Variants in CDYL2 observed in about 807,000 individuals in gnomAD.
CDYL2 encodes the protein chromodomain Y-like protein 2.
In CDYL2, 23 loss-of-function variants were observed where a neutral mutation model predicts 49.4. The observed-to-expected ratio is 0.47, with a 90% CI of 0.34 to 0.66. The LOEUF (loss-of-function observed/expected upper bound fraction) is 0.66, where lower values mean the gene tolerates loss of function less well. CDYL2 is among the 30% of genes least tolerant of loss of function. The pLI is 0.01. For synonymous variants in CDYL2, 360 were observed against 268.8 expected (o/e 1.34, Z -3.32); for missense variants, 678 against 656.4 (o/e 1.03, Z -0.36).
At chr16:80,712,703 C>A (rs1904661894) in intron 1 of CDYL2, among the ~76,000 whole-genome samples, 1 of 152,134 alleles carries the variant, frequency 6.6e-6, no homozygotes, top group South Asian at 2.1e-4. Flanking sequence ...CCCTAAGCTA[C>A]AGTGTACAGC....
At chr16:80,704,851 G>C (rs145781735) in intron 1 of CDYL2, among the ~76,000 whole-genome samples, 144 of 152,350 alleles carry the variant, frequency 9.5e-4, no homozygotes, top group African/African-American at 3.3e-3. Context: ...AACAGACTCT[G>C]CTGGGTCTCT....
At chr16:80,754,935 G>A (rs1010420627) in intron 1 of CDYL2, among the ~76,000 whole-genome samples, 4 of 152,114 alleles carry the variant, frequency 2.6e-5, no homozygotes, top group South Asian at 2.1e-4. Flanking sequence ...CATGATTTAC[G>A]AGGGGAAATA....
At chr16:80,719,743 C>T (rs1030181426) in intron 1 of CDYL2, among the ~76,000 whole-genome samples, 1 of 152,192 alleles carries the variant, frequency 6.6e-6, no homozygotes, top group Non-Finnish European at 1.5e-5. Flanking sequence ...AGGAGGCTGT[C>T]GCCACCAAGC....
intron 2 of CDYL2, among the ~76,000 whole-genome samples, chr16:80,635,022 G>A (rs1490369254): frequency 6.6e-6 from 1 of 152,114 alleles, no homozygotes; most frequent in Non-Finnish European, 1.5e-5. Flanking sequence ...GACATTACAA[G>A]AACACAGAAT....
Position 80,804,491 on chromosome 16 carries a change from G to A in CDYL2, c.-318C>T, listed in dbSNP as rs1180422743. 6.9e-6 allele frequency among the ~76,000 whole-genome samples: 1 copy of A among 144,304 alleles called. No individual in the cohort carries two copies. Among genetic ancestry groups the A allele is most frequent in the African/African-American group, 2.5e-5 (1 of 40,362 alleles). 94.7% of individuals were successfully genotyped at this position (144,304 alleles called of 152,430 possible). On this transcript the variant is annotated 5_prime_UTR_variant, in exon 1 of 7. Coordinates refer to ENST00000570137, the MANE Select transcript of CDYL2 (RefSeq NM_152342.4). Reference sequence around the variant, plus strand: ...ACGCGGCCCGAGCGCCGCGGCCCCCGCGACCCGGCGACCCGGCGGCGGTGG... The same window carrying A: ...ACGCGGCCCGAGCGCCGCGGCCCCCACGACCCGGCGACCCGGCGGCGGTGG...
intron 1 of CDYL2, among the ~76,000 whole-genome samples, chr16:80,778,451 T>C (rs890090619): frequency 1.1e-4 from 16 of 151,964 alleles, no homozygotes; most frequent in African/African-American, 3.6e-4. Flanking sequence ...ATGATGTGAC[T>C]ATCTTAAATT....
chr16:80,615,841 G>T (rs1906803649), intron 4 of CDYL2, among the ~76,000 whole-genome samples: 1 of 152,158 alleles, frequency 6.6e-6, no homozygotes, highest in African/African-American at 2.4e-5. Context: ...GTCACCCGAT[G>T]TTTAATGAAG....
intron 1 of CDYL2, among the ~76,000 whole-genome samples, chr16:80,771,863 G>A (rs139185556): frequency 6.6e-6 from 1 of 152,126 alleles, no homozygotes; most frequent in Non-Finnish European, 1.5e-5. Context: ...AAAATTAGTG[G>A]ATTATGTAAA....
intron 1 of CDYL2, among the ~76,000 whole-genome samples, chr16:80,793,658 G>T (rs1418537312): frequency 1.3e-5 from 2 of 152,202 alleles, no homozygotes; most frequent in African/African-American, 4.8e-5. Context: ...CCCTCACCGA[G>T]CTTAGGGTTT....
chr16:80,779,699 G>C (rs569477264), intron 1 of CDYL2, among the ~76,000 whole-genome samples: 13 of 152,056 alleles, frequency 8.5e-5, no homozygotes, highest in Admixed American at 7.9e-4. Flanking sequence ...AATGAAGTAA[G>C]GAAATACTTA....
intron 1 of CDYL2, among the ~76,000 whole-genome samples, chr16:80,702,128 T>A (rs1319907399): frequency 6.6e-6 from 1 of 150,730 alleles, no homozygotes; most frequent in East Asian, 2.0e-4. Context: ...GGAATCAGAG[T>A]TTGGGGGTTT....
At chr16:80,783,986 G>A (rs1437434676) in intron 1 of CDYL2, among the ~76,000 whole-genome samples, 2 of 152,148 alleles carry the variant, frequency 1.3e-5, no homozygotes, top group South Asian at 4.1e-4. Flanking sequence ...ACAACATTGT[G>A]AAAGTACTAA....
At chr16:80,631,111 A>C (rs1206526844) in intron 3 of CDYL2, among the ~76,000 whole-genome samples, 1 of 152,220 alleles carries the variant, frequency 6.6e-6, no homozygotes, top group Non-Finnish European at 1.5e-5. Context: ...GGCGAGCAAG[A>C]ACAGAACCCC....
chr16:80,750,929 A>G (rs1567594719), intron 1 of CDYL2, among the ~76,000 whole-genome samples: 1 of 152,128 alleles, frequency 6.6e-6, no homozygotes, highest in African/African-American at 2.4e-5. Context: ...CTGAGGCAGG[A>G]GAATGGCGTG....
intron 1 of CDYL2, among the ~76,000 whole-genome samples, chr16:80,712,264 C>T (rs1457017878): frequency 3.5e-5 from 5 of 141,108 alleles, no homozygotes; most frequent in African/African-American, 7.7e-5. Context: ...ATTAAATTTG[C>T]GTATGTTTTA....
At chr16:80,742,932 T>A (rs1905797737) in intron 1 of CDYL2, among the ~76,000 whole-genome samples, 1 of 147,330 alleles carries the variant, frequency 6.8e-6, no homozygotes, top group Admixed American at 7.1e-5. Flanking sequence ...GATGAATAAA[T>A]GAAGGACAGA....
chr16:80,674,805 T>C (rs1909675761), intron 2 of CDYL2, among the ~76,000 whole-genome samples: 1 of 152,242 alleles, frequency 6.6e-6, no homozygotes, highest in Non-Finnish European at 1.5e-5. Flanking sequence ...GAAGACGACA[T>C]TTTGTTTATC....
chr16:80,687,799 G>C (rs927361397), intron 1 of CDYL2, among the ~76,000 whole-genome samples: 1 of 152,216 alleles, frequency 6.6e-6, no homozygotes, highest in Non-Finnish European at 1.5e-5. Flanking sequence ...GACTCATAGA[G>C]CAAGGCAGAA....
chr16:80,776,077 T>G (rs1322543131), intron 1 of CDYL2, among the ~76,000 whole-genome samples: 4 of 151,984 alleles, frequency 2.6e-5, no homozygotes, highest in Non-Finnish European at 4.4e-5. Context: ...AATTTGATTA[T>G]ACAGCAATTT....
Sources: allele counts gnomAD v4.1 joint callset (sites outside exome capture counted in the v4.1 genomes callset), GRCh38; gene constraint gnomAD v4.1.1; transcripts MANE v1.5; gene names NCBI Gene and HGNC (gene_info 2026-07-23, HGNC 2026-07-21).